The following XPNPEP3 variants were observed in gnomAD, a reference collection of about 807,000 sequenced individuals.
XPNPEP3 encodes X-prolyl aminopeptidase 3, also known as xaa-Pro aminopeptidase 3.
In XPNPEP3, 41 loss-of-function variants were observed where a neutral mutation model predicts 60.0. The ratio of observed to expected loss-of-function variants is 0.68; its 90% CI spans 0.53 to 0.89. The LOEUF (loss-of-function observed/expected upper bound fraction) is 0.89, where lower values mean the gene tolerates loss of function less well. Among genes scored for constraint, XPNPEP3 ranks in the 40% least tolerant of loss-of-function variants. The pLI, the probability that XPNPEP3 is intolerant of heterozygous loss-of-function variation, is 0.00. For missense variants in XPNPEP3, 598 were observed against 638.9 expected, an observed-to-expected ratio of 0.94 and a Z score of 0.69; for synonymous variants, 212 against 223.2, an observed-to-expected ratio of 0.95 and a Z score of 0.45.
chr22:40,863,162 G>A (rs1250525693), intron 1 of XPNPEP3, among the ~76,000 whole-genome samples: 1 of 152,220 alleles, frequency 6.6e-6, no homozygotes, highest in African/African-American at 2.4e-5. Context: ...TTTGTGGGGA[G>A]TGGGGAATAT....
intron 4 of XPNPEP3, among the ~76,000 whole-genome samples, chr22:40,897,504 T>G (rs542789251): frequency 1.4e-4 from 21 of 151,932 alleles, no homozygotes; most frequent in Non-Finnish European, 2.8e-4. Flanking sequence ...CTGTGTTGTT[T>G]TTTTTTTTCT....
chr22:40,918,351 G>A (rs2146277773), intron 7 of XPNPEP3, among the ~76,000 whole-genome samples: 1 of 152,206 alleles, frequency 6.6e-6, no homozygotes, highest in South Asian at 2.1e-4. Flanking sequence ...TCTAGCCTAG[G>A]TAACAGAGCA....
intron 2 of XPNPEP3, among the ~76,000 whole-genome samples, chr22:40,869,621 A>G (rs180675507): frequency 5.4e-4 from 82 of 152,332 alleles, no homozygotes; most frequent in Non-Finnish European, 1.0e-3. Flanking sequence ...CACAGATTTG[A>G]GAGGTAGTAT....
At chr22:40,897,695 C>G (rs188583327) in intron 4 of XPNPEP3, among the ~76,000 whole-genome samples, 2 of 152,258 alleles carry the variant, frequency 1.3e-5, no homozygotes, top group Non-Finnish European at 2.9e-5. Flanking sequence ...TTTCACATTT[C>G]TACCAGCAAT....
At chr22:40,874,762 CACAT>C (rs2058021122) in intron 2 of XPNPEP3, among the ~76,000 whole-genome samples, 1 of 152,146 alleles carries the variant, frequency 6.6e-6, no homozygotes, top group Non-Finnish European at 1.5e-5. Context: ...GGGCGTTTCT[CACAT>C]ACACCACTAA....
intron 1 of XPNPEP3, chr22:40,861,937 T>A (rs1367753843): frequency 1.2e-6 from 2 of 1,613,140 alleles, no homozygotes; most frequent in Admixed American, 3.3e-5. Flanking sequence ...TAAGCTTTTT[T>A]AATGTCCTCA....
At chr22:40,915,629 C>T (rs2058193552) in intron 7 of XPNPEP3, among the ~76,000 whole-genome samples, 1 of 151,620 alleles carries the variant, frequency 6.6e-6, no homozygotes, top group African/African-American at 2.4e-5. Context: ...GCCCAATGCA[C>T]ATAGCTTGGG....
At chr22:40,902,366 T>G (rs1311953443) in intron 4 of XPNPEP3, among the ~76,000 whole-genome samples, 3 of 151,256 alleles carry the variant, frequency 2.0e-5, no homozygotes, top group Admixed American at 6.6e-5. Context: ...TTCTCCTGCC[T>G]CAGCCTCCCA....
intron 9 of XPNPEP3, 30 bp from the exon 10 acceptor site, chr22:40,926,239 G>T: frequency 1.2e-6 from 2 of 1,613,870 alleles, no homozygotes; most frequent in Non-Finnish European, 1.7e-6. Flanking sequence ...TATCATTCCT[G>T]AACAGCATGT....
At position 40,882,134 on chromosome 22, in the gene XPNPEP3, C is replaced by T. The variant is rs1288821650; in HGVS notation, c.546C>T (p.Ala182=). The T allele has an allele frequency of 6.2e-7, 1 of 1,614,102 alleles. No homozygotes were observed. Among genetic ancestry groups the T allele is most frequent in the East Asian group, 2.2e-5 (1 of 44,886 alleles). ...TAGCTCTAACTGGAGTAGACGAAGC[C>T]TATACGCTAGAAGAATTTCAACATC... ...GAIALTGVDE[A]YTLEEFQHLL... is the part of the protein sequence containing the mutation. Residue 182 remains alanine, a synonymous_variant, in exon 3 of 10, where the codon GCC becomes GCT. Coordinates refer to ENST00000357137, the MANE Select transcript of XPNPEP3 (RefSeq NM_022098.4).
At chr22:40,862,150 A>G (rs550529584) in intron 1 of XPNPEP3, 18 of 1,440,302 alleles carry the variant, frequency 1.2e-5, no homozygotes, top group East Asian at 5.1e-5. Flanking sequence ...AGAGATGAGG[A>G]TACTGATTAT....
intron 4 of XPNPEP3, among the ~76,000 whole-genome samples, chr22:40,902,944 C>A (rs766727760): frequency 1.3e-5 from 2 of 152,200 alleles, no homozygotes; most frequent in Non-Finnish European, 2.9e-5. Context: ...ATGCCCAGAA[C>A]ACCTCAGAAC....
intron 6 of XPNPEP3, among the ~76,000 whole-genome samples, chr22:40,911,138 C>G (rs1249698305): frequency 6.6e-6 from 1 of 152,056 alleles, no homozygotes; most frequent in Non-Finnish European, 1.5e-5. Flanking sequence ...ATTATCAGAC[C>G]TCTTAATTTC....
chr22:40,873,270 A>G (rs970800351), intron 2 of XPNPEP3, among the ~76,000 whole-genome samples: 1 of 150,800 alleles, frequency 6.6e-6, no homozygotes. Context: ...ACACCTGGCT[A>G]ATTTTTGTAT....
intron 4 of XPNPEP3, among the ~76,000 whole-genome samples, chr22:40,900,379 TGG>T (rs2058127146): frequency 6.7e-6 from 1 of 148,764 alleles, no homozygotes; most frequent in South Asian, 2.1e-4. Flanking sequence ...CTGAGGCCGG[TGG>T]ATCACCTGAA....
intron 2 of XPNPEP3, among the ~76,000 whole-genome samples, chr22:40,876,984 T>G (rs534398404): frequency 6.6e-6 from 1 of 152,318 alleles, no homozygotes; most frequent in South Asian, 2.1e-4. Flanking sequence ...ACAGAACATT[T>G]CCATCGTCCT....
chr22:40,881,832 C>T lies in XPNPEP3; in HGVS notation c.244C>T (p.Leu82=), dbSNP rs898692459. The change falls in exon 3 of 10, where the codon CTG becomes TTG. Residue 82 remains leucine (L), a synonymous_variant. Transcript: ENST00000357137. Reference sequence around the variant, plus strand: ...ACTTCGCAGACACAAACTAATGTCTCTGATCCAGAAGGAAGCTCAAGGGCA... The same window carrying T: ...ACTTCGCAGACACAAACTAATGTCTTTGATCCAGAAGGAAGCTCAAGGGCA... ...YALRRHKLMS[L]IQKEAQGQSG... 36 of 1,614,074 alleles carry T rather than the reference C, an allele frequency of 2.2e-5. No individual in the cohort carries two copies. Among genetic ancestry groups the T allele is most frequent in the Non-Finnish European group, 3.0e-5 (35 of 1,180,048 alleles).
At chr22:40,897,729 C>T (rs1450806621) in intron 4 of XPNPEP3, among the ~76,000 whole-genome samples, 1 of 152,170 alleles carries the variant, frequency 6.6e-6, no homozygotes, top group Non-Finnish European at 1.5e-5. Flanking sequence ...AGTTTTTCTA[C>T]ATTCTTGCCA....
In XPNPEP3 at chr22:40,881,790, T is replaced by C. The variant is rs555385047; in HGVS notation, c.202T>C (p.Ser68Pro). 9.9e-6 allele frequency: 16 copies of C among 1,614,144 alleles called. No homozygotes were observed. The African/African-American group carries it at 1.2e-4, about 12-fold the overall frequency. The change falls in exon 3 of 10, where the codon TCT becomes CCT. Residue 68 changes from serine (S) to proline (P), a missense_variant. Transcript: ENST00000357137. ...TCTAGGGGAGGTAACTCCAGGACTATCTCAGGTGGAATATGCACTTCGCAG... is the reference window on the plus strand; with the variant it reads ...TCTAGGGGAGGTAACTCCAGGACTACCTCAGGTGGAATATGCACTTCGCAG... ...LRPGEVTPGLSQVEYALRRHK... is the reference protein window; with the variant it reads ...LRPGEVTPGLPQVEYALRRHK...
Sources: gnomAD v4.1 joint callset for allele counts (sites outside exome capture counted in the v4.1 genomes callset) on GRCh38, gnomAD v4.1.1 for gene constraint, MANE v1.5 for transcripts, NCBI Gene and HGNC (gene_info 2026-07-23, HGNC 2026-07-21) for gene names.